The following ENPP6 variants were observed in gnomAD, a reference collection of about 807,000 sequenced individuals.
ENPP6 encodes the protein glycerophosphocholine cholinephosphodiesterase ENPP6.
In ENPP6, 32 loss-of-function variants were observed where a neutral mutation model predicts 42.0. The ratio of observed to expected loss-of-function variants is 0.76; its 90% confidence interval spans 0.58 to 1.02. The LOEUF is 1.02. Ranked by LOEUF, ENPP6 falls within the 50% of genes least tolerant of loss-of-function variation. ENPP6 has a pLI of 0.00. For synonymous variants in ENPP6, 213 were observed against 216.0 expected (o/e 0.99, Z 0.12); for missense variants, 552 against 566.8 (o/e 0.97, Z 0.27).
chr4:184,145,375 A>G (rs74858313), intron 2 of ENPP6, among the ~76,000 whole-genome samples: 1,861 of 151,856 alleles, frequency 0.012, 42 homozygotes, highest in African/African-American at 0.042. Context: ...TTTTTCCTTC[A>G]ACATGAAAGC....
At chr4:184,196,974 G>A (rs1732810920) in intron 1 of ENPP6, among the ~76,000 whole-genome samples, 1 of 152,214 alleles carries the variant, frequency 6.6e-6, no homozygotes. Flanking sequence ...CAGGCAAACA[G>A]GTGGTTGGGG....
chr4:184,178,829 G>A (rs1732493774), intron 1 of ENPP6, among the ~76,000 whole-genome samples: 1 of 152,200 alleles, frequency 6.6e-6, no homozygotes, highest in Non-Finnish European at 1.5e-5. Context: ...CAAATGCTGA[G>A]GGAATTCATC....
chr4:184,206,278 G>A (rs1732995685), intron 1 of ENPP6, among the ~76,000 whole-genome samples: 1 of 41,770 alleles, frequency 2.4e-5, no homozygotes, highest in African/African-American at 1.5e-4. Context: ...TTTTTTTTGA[G>A]ACGGAGTCTC....
At chr4:184,214,517 C>G (rs1733168157) in intron 1 of ENPP6, among the ~76,000 whole-genome samples, 1 of 152,086 alleles carries the variant, frequency 6.6e-6, no homozygotes, top group Admixed American at 6.5e-5. Context: ...ACGAAGGCCT[C>G]CTAGGAGGGT....
chr4:184,100,771 A>G (rs889634353), intron 6 of ENPP6, among the ~76,000 whole-genome samples: 1 of 152,144 alleles, frequency 6.6e-6, no homozygotes, highest in Admixed American at 6.5e-5. Flanking sequence ...CGATGGTGGA[A>G]CGTCCCTGCC....
chr4:184,146,049 T>C (rs1279651182), intron 2 of ENPP6, among the ~76,000 whole-genome samples: 3 of 151,196 alleles, frequency 2.0e-5, no homozygotes, highest in Non-Finnish European at 4.4e-5. Context: ...GTTTAGTTTG[T>C]CTGCTGTTAC....
intron 2 of ENPP6, among the ~76,000 whole-genome samples, chr4:184,151,294 T>C (rs1394513046): frequency 6.6e-6 from 1 of 152,224 alleles, no homozygotes; most frequent in African/African-American, 2.4e-5. Context: ...GCAGAGGTCA[T>C]GCCACTGCAC....
intron 1 of ENPP6, among the ~76,000 whole-genome samples, chr4:184,201,859 G>A (rs924428757): frequency 1.3e-5 from 2 of 152,148 alleles, no homozygotes; most frequent in Non-Finnish European, 2.9e-5. Flanking sequence ...GCTCATTACA[G>A]AGAGTATAGT....
At chr4:184,214,558 A>C (rs1364130904) in intron 1 of ENPP6, among the ~76,000 whole-genome samples, 1 of 152,212 alleles carries the variant, frequency 6.6e-6, no homozygotes, top group Non-Finnish European at 1.5e-5. Flanking sequence ...ACCTGTGCAA[A>C]TAGCAAAGAC....
intron 6 of ENPP6, among the ~76,000 whole-genome samples, chr4:184,104,051 G>A (rs917570303): frequency 4.0e-5 from 6 of 150,776 alleles, no homozygotes; most frequent in Admixed American, 1.3e-4. Context: ...ATTGCAGTGC[G>A]CCCAGGCTGA....
intron 1 of ENPP6, among the ~76,000 whole-genome samples, chr4:184,176,632 AC>A (rs1269396934): frequency 6.6e-6 from 1 of 152,230 alleles, no homozygotes; most frequent in African/African-American, 2.4e-5. Flanking sequence ...CCACCGAGCT[AC>A]GTTGGCTCCT....
chr4:184,188,779 T>C (rs1032551763), intron 1 of ENPP6, among the ~76,000 whole-genome samples: 2 of 152,148 alleles, frequency 1.3e-5, no homozygotes, highest in African/African-American at 4.8e-5. Context: ...CGCTCACACA[T>C]GAGAGACTGA....
chr4:184,138,415 C>T (rs1007263465), intron 2 of ENPP6, among the ~76,000 whole-genome samples: 26 of 152,188 alleles, frequency 1.7e-4, no homozygotes, highest in African/African-American at 5.3e-4. Context: ...AAAAAGCAAG[C>T]ACTGGAAACA....
intron 3 of ENPP6, among the ~76,000 whole-genome samples, chr4:184,119,241 C>G (rs944284970): frequency 6.6e-6 from 1 of 151,606 alleles, no homozygotes. Flanking sequence ...GTTTGATTAT[C>G]CTCTATATTA....
chr4:184,207,711 C>T (rs1733024110), intron 1 of ENPP6, among the ~76,000 whole-genome samples: 1 of 152,230 alleles, frequency 6.6e-6, no homozygotes, highest in Non-Finnish European at 1.5e-5. Flanking sequence ...GGAACGCCTC[C>T]TCTCCCTGGT....
At chr4:184,176,122 A>G (rs142403346) in intron 1 of ENPP6, among the ~76,000 whole-genome samples, 5 of 152,186 alleles carry the variant, frequency 3.3e-5, no homozygotes, top group Admixed American at 6.5e-5. Flanking sequence ...TGTCATTATT[A>G]TTGCCACTGA....
chr4:184,217,167 G>A (rs1733210771), intron 1 of ENPP6, among the ~76,000 whole-genome samples: 1 of 151,932 alleles, frequency 6.6e-6, no homozygotes, highest in Non-Finnish European at 1.5e-5. Context: ...AGCCCACAGG[G>A]TGCCAGGATG....
chr4:184,172,653 T>C (rs1332245109), intron 1 of ENPP6, among the ~76,000 whole-genome samples: 2 of 152,046 alleles, frequency 1.3e-5, no homozygotes, highest in African/African-American at 4.8e-5. Context: ...CTAATGTGGG[T>C]TTTTTTCTGC....
At chr4:184,157,993 T>C (rs1737203468) in intron 1 of ENPP6, among the ~76,000 whole-genome samples, 1 of 152,168 alleles carries the variant, frequency 6.6e-6, no homozygotes. Flanking sequence ...TTTTTTCTCA[T>C]TGTTTTCAAA....
Sources: allele counts gnomAD v4.1 joint callset (sites outside exome capture counted in the v4.1 genomes callset), GRCh38; gene constraint gnomAD v4.1.1; transcripts MANE v1.5; gene names NCBI Gene and HGNC (gene_info 2026-07-23, HGNC 2026-07-21).